Variants in FMNL2 observed in about 807,000 individuals in gnomAD.
FMNL2 encodes the protein formin-like protein 2.
In FMNL2, 51 loss-of-function variants were observed where a neutral mutation model predicts 130.2. The ratio of observed to expected loss-of-function variants is 0.39; its 90% CI spans 0.31 to 0.49. The LOEUF (loss-of-function observed/expected upper bound fraction) is 0.49, where lower values mean the gene tolerates loss of function less well. Ranked by LOEUF, FMNL2 falls within the 20% of genes least tolerant of loss-of-function variation. The probability of loss-of-function intolerance (pLI) is 0.85; values close to 1 mark genes in which losing one functional copy is unlikely to be tolerated. For missense variants in FMNL2, 977 were observed against 1,316.2 expected (o/e 0.74, Z 3.99); for synonymous variants, 465 against 467.1 (o/e 1.00, Z 0.06).
intron 9 of FMNL2, among the ~76,000 whole-genome samples, chr2:152,589,080 C>G (rs1375570371): frequency 6.9e-6 from 1 of 145,180 alleles, no homozygotes; most frequent in Non-Finnish European, 1.5e-5. Context: ...TCAGGACTGC[C>G]CTTTTTTGGT....
Position 152,414,595 on chromosome 2 carries a change from C to T in FMNL2, c.117+78875C>T, listed in dbSNP as rs540379403. Among the ~76,000 whole-genome samples the T allele has an allele frequency of 2.6e-5, 4 of 152,272 alleles. No individual in the cohort carries two copies. The South Asian group carries it at 8.3e-4, about 32-fold the overall frequency. On this transcript the variant is annotated intron_variant, in intron 1 of 25. Transcript: ENST00000288670. The stretch of plus-strand genomic sequence containing the variant: ...TCTTTCTAGTATGACATCTGGCCCA[C>T]AGTAGCCCCTCAAGTGGAGATTTGA...
chr2:152,429,312 C>G (rs764461283), intron 1 of FMNL2, among the ~76,000 whole-genome samples: 7 of 151,860 alleles, frequency 4.6e-5, no homozygotes. Flanking sequence ...CCTTTCTAGG[C>G]CGGTGCCCCT....
intron 20 of FMNL2, among the ~76,000 whole-genome samples, chr2:152,630,568 T>G (rs1222344704): frequency 6.6e-6 from 1 of 152,226 alleles, no homozygotes; most frequent in East Asian, 1.9e-4. Flanking sequence ...TGTGCAGGCC[T>G]AACGTGATTG....
chr2:152,506,004 G>A (rs1315936161), intron 1 of FMNL2, among the ~76,000 whole-genome samples: 1 of 152,136 alleles, frequency 6.6e-6, no homozygotes, highest in South Asian at 2.1e-4. Flanking sequence ...TTTTGAAACC[G>A]TGTTTAGTCT....
At chr2:152,445,297 G>A (rs925160684) in intron 1 of FMNL2, among the ~76,000 whole-genome samples, 6 of 152,166 alleles carry the variant, frequency 3.9e-5, no homozygotes, top group African/African-American at 1.4e-4. Context: ...CCTGGGAAAC[G>A]CCCTTGAGAT....
At chr2:152,367,953 A>C (rs2105846613) in intron 1 of FMNL2, among the ~76,000 whole-genome samples, 1 of 152,198 alleles carries the variant, frequency 6.6e-6, no homozygotes, top group Admixed American at 6.5e-5. Context: ...AATTGTTAGA[A>C]ATGAAGATTC....
Position 152,619,531 on chromosome 2 carries a change from A to T in FMNL2, c.1650A>T (p.Pro550=). ...PETVQNGPVT[P]PMPPPPPPPP... ...TAGTGCAAAATGGTCCAGTAACACCACCTATGCCACCGCCGCCGCCGCCCC... is the reference window on the plus strand; with the variant it reads ...TAGTGCAAAATGGTCCAGTAACACCTCCTATGCCACCGCCGCCGCCGCCCC... Residue 550 remains proline, a synonymous_variant, in exon 15 of 26, where the codon CCA becomes CCT. Coordinates refer to ENST00000288670, the MANE Select transcript of FMNL2 (RefSeq NM_052905.4). 6.5e-7 allele frequency: 1 copy of T among 1,545,000 alleles called. No homozygotes were observed. Among genetic ancestry groups the T allele is most frequent in the Non-Finnish European group, 8.7e-7 (1 of 1,145,944 alleles).
intron 1 of FMNL2, among the ~76,000 whole-genome samples, chr2:152,339,802 TATCTAC>T (rs1188234813): frequency 6.6e-6 from 1 of 152,216 alleles, no homozygotes; most frequent in Non-Finnish European, 1.5e-5. Context: ...ATTTTCTGAG[TATCTAC>T]TATGAGTAGG....
At chr2:152,494,883 AT>A (rs1187932651) in intron 1 of FMNL2, among the ~76,000 whole-genome samples, 1 of 152,150 alleles carries the variant, frequency 6.6e-6, no homozygotes, top group Non-Finnish European at 1.5e-5. Context: ...GATTTTATTC[AT>A]TTGACAGATA....
At chr2:152,491,025 C>T (rs1490183976) in intron 1 of FMNL2, among the ~76,000 whole-genome samples, 1 of 152,150 alleles carries the variant, frequency 6.6e-6, no homozygotes. Flanking sequence ...CAGCTTTGCT[C>T]CATTGTGCTG....
intron 10 of FMNL2, among the ~76,000 whole-genome samples, chr2:152,609,896 G>A (rs911473385): frequency 3.9e-5 from 6 of 152,202 alleles, no homozygotes; most frequent in Non-Finnish European, 8.8e-5. Context: ...CAGCCATGGA[G>A]GGAAAGCATT....
intron 1 of FMNL2, among the ~76,000 whole-genome samples, chr2:152,439,812 G>A (rs1687962619): frequency 6.8e-6 from 1 of 146,336 alleles, no homozygotes; most frequent in Non-Finnish European, 1.5e-5. Context: ...AGTATGCCGT[G>A]TCTGTGGTTC....
At chr2:152,582,701 A>G (rs1402409784) in intron 9 of FMNL2, among the ~76,000 whole-genome samples, 1 of 152,212 alleles carries the variant, frequency 6.6e-6, no homozygotes, top group Middle Eastern at 3.2e-3. Flanking sequence ...TAAATAAGGA[A>G]GTATGTTTGG....
intron 1 of FMNL2, among the ~76,000 whole-genome samples, chr2:152,438,479 G>T (rs553229841): frequency 1.6e-4 from 24 of 152,332 alleles, no homozygotes; most frequent in Non-Finnish European, 2.6e-4. Flanking sequence ...AGAAATACAG[G>T]ACCAGTGTTG....
chr2:152,409,037 G>T (rs990024797), intron 1 of FMNL2, among the ~76,000 whole-genome samples: 1 of 152,146 alleles, frequency 6.6e-6, no homozygotes, highest in Non-Finnish European at 1.5e-5. Context: ...AGAAGGGTTT[G>T]CAATTGGCTT....
chr2:152,456,964 A>G (rs546118209), intron 1 of FMNL2, among the ~76,000 whole-genome samples: 1 of 152,188 alleles, frequency 6.6e-6, no homozygotes, highest in Admixed American at 6.5e-5. Flanking sequence ...AATTGCTACA[A>G]AGGAATCCCC....
chr2:152,611,350 A>T, intron 10 of FMNL2, 145 bp from the exon 11 acceptor site: 1 of 526,976 alleles, frequency 1.9e-6, no homozygotes, highest in East Asian at 3.2e-5. Flanking sequence ...AAAAAAAACC[A>T]TATATATATT....
At chr2:152,627,475 T>C (rs1681869987) in intron 17 of FMNL2, among the ~76,000 whole-genome samples, 2 of 152,196 alleles carry the variant, frequency 1.3e-5, no homozygotes, top group African/African-American at 4.8e-5. Flanking sequence ...CTTCGAGGTG[T>C]AAATGACCCT....
intron 8 of FMNL2, 119 bp from the exon 9 acceptor site, chr2:152,580,836 TA>T: frequency 1.2e-6 from 1 of 859,744 alleles, no homozygotes. Flanking sequence ...TGTACCTTAG[TA>T]AAATTTTTTA....
Sources: allele counts gnomAD v4.1 joint callset (sites outside exome capture counted in the v4.1 genomes callset), GRCh38; gene constraint gnomAD v4.1.1; transcripts MANE v1.5; gene names NCBI Gene and HGNC (gene_info 2026-07-23, HGNC 2026-07-21).